ZNF823: variants seen among roughly 807,000 people sequenced by gnomAD.
ZNF823 encodes the protein ZFP 36 for a zinc finger protein.
In ZNF823, 5 loss-of-function variants were observed where a neutral mutation model predicts 11.4. The observed-to-expected ratio is 0.44, with a 90% CI of 0.23 to 0.92. The LOEUF is 0.92. Ranked by LOEUF, ZNF823 falls within the 40% of genes least tolerant of loss-of-function variation. The probability of loss-of-function intolerance (pLI) is 0.24; values close to 1 mark genes in which losing one functional copy is unlikely to be tolerated. For missense variants in ZNF823, 582 were observed against 738.5 expected, an observed-to-expected ratio of 0.79 and a Z score of 2.46; for synonymous variants, 234 against 250.5, an observed-to-expected ratio of 0.93 and a Z score of 0.62.
At chr19:11,733,484 T>A (rs1974940260) in intron 1 of ZNF823, among the ~76,000 whole-genome samples, 2 of 151,900 alleles carry the variant, frequency 1.3e-5, no homozygotes, top group African/African-American at 4.8e-5. Flanking sequence ...GAGAATCATC[T>A]GAGGTCAGGA....
chr19:11,733,463 G>A (rs1974939865), intron 1 of ZNF823, among the ~76,000 whole-genome samples: 1 of 152,066 alleles, frequency 6.6e-6, no homozygotes, highest in Non-Finnish European at 1.5e-5. Context: ...CACTTTGGGA[G>A]GCCGAGGTAG....
intron 1 of ZNF823, 77 bp from the exon 2 acceptor site, chr19:11,725,404 T>G: frequency 1.3e-6 from 2 of 1,577,280 alleles, no homozygotes; most frequent in Non-Finnish European, 1.7e-6. Context: ...GCATAAACTT[T>G]GCATGATGCT....
In ZNF823 at chr19:11,722,633, C is replaced by A. The variant is rs1482802788; in HGVS notation, c.901G>T (p.Glu301Ter). Residue 301 changes from glutamate (E) to a stop codon, truncating the protein, a stop_gained, in exon 4 of 4, where the codon GAA becomes TAA. Transcript: ENST00000341191. LOFTEE classifies it low-confidence loss of function (END_TRUNC). The surrounding 1 kb of genome is among the most constrained non-coding windows in gnomAD (Gnocchi z 5.2). ...CATTGCTTACATGCATAGGGTTGTT[C>A]TCCCGTGTGAGTCCTTTCATGTAGT... The part of the protein sequence containing the change: ...TRLHERTHTG[E>*]QPYACKQCGK... 6.2e-7 allele frequency: 1 copy of A among 1,613,902 alleles called. No individual in the cohort carries two copies. The highest frequency in any genetic ancestry group is 8.5e-7 in the Non-Finnish European group (1 of 1,179,976).
chr19:11,724,178 T>C lies in ZNF823; in HGVS notation c.191+16A>G, dbSNP rs1568466719. 1 of 1,602,498 alleles carries C rather than the reference T, an allele frequency of 6.2e-7. No homozygotes were observed. Among genetic ancestry groups the C allele is most frequent in the Non-Finnish European group, 8.5e-7 (1 of 1,174,564 alleles). ...CCACTGCAGGGACATAGCTTTCTTT[T>C]GTGGGTGCAAATTACCTTAGATTTC... On this transcript the variant is annotated intron_variant, in intron 3 of 3. Transcript: ENST00000341191.
chr19:11,737,432 T>C (rs571966230), intron 1 of ZNF823, among the ~76,000 whole-genome samples: 67 of 152,216 alleles, frequency 4.4e-4, no homozygotes, highest in African/African-American at 1.5e-3. Context: ...CCGGCTAATT[T>C]TGTATTTTTA....
intron 2 of ZNF823, among the ~76,000 whole-genome samples, chr19:11,724,590 G>A (rs1475905148): frequency 3.9e-5 from 5 of 128,258 alleles, no homozygotes; most frequent in African/African-American, 9.1e-5. Flanking sequence ...ACAGAGTCCC[G>A]CTCTGTCGCC....
At chr19:11,730,166 G>A (rs1466217105) in intron 1 of ZNF823, among the ~76,000 whole-genome samples, 1 of 152,128 alleles carries the variant, frequency 6.6e-6, no homozygotes, top group Admixed American at 6.6e-5. Context: ...GACCTCAGAT[G>A]ATCCGCCTGC....
intron 1 of ZNF823, among the ~76,000 whole-genome samples, chr19:11,736,079 G>C (rs1974987973): frequency 6.6e-6 from 1 of 150,644 alleles, no homozygotes; most frequent in Non-Finnish European, 1.5e-5. Context: ...CTAACATTTT[G>C]GTAAATCTTT....
At chr19:11,724,436 C>A (rs1309205761) in intron 2 of ZNF823, among the ~76,000 whole-genome samples, 182 bp from the exon 3 acceptor site, 1 of 152,160 alleles carries the variant, frequency 6.6e-6, no homozygotes, top group African/African-American at 2.4e-5. Context: ...CTCTGCTACC[C>A]CTGGGACAGC....
rs1974710471 is a variant in ZNF823 at position 11,722,653 on chromosome 19, T to C, written c.881A>G (p.His294Arg). 1 of 1,614,082 alleles carries C rather than the reference T, an allele frequency of 6.2e-7. No individual in the cohort carries two copies. The highest frequency in any genetic ancestry group is 8.5e-7 in the Non-Finnish European group (1 of 1,179,950). Residue 294 changes from histidine (H) to arginine (R), a missense_variant, in exon 4 of 4, where the codon CAT (histidine) becomes CGT (arginine). Transcript: ENST00000341191. The surrounding 1 kb of genome is among the most constrained non-coding windows in gnomAD (Gnocchi z 5.2). ...AFSCYYYTRLHERTHTGEQPY... is the reference protein window; with the variant it reads ...AFSCYYYTRLRERTHTGEQPY... Reference sequence around the variant, plus strand: ...TTGTTCTCCCGTGTGAGTCCTTTCATGTAGTCGAGTGTAATAGTAACAGCT... The same window carrying C: ...TTGTTCTCCCGTGTGAGTCCTTTCACGTAGTCGAGTGTAATAGTAACAGCT...
chr19:11,734,558 GA>G (rs1307305480), intron 1 of ZNF823, among the ~76,000 whole-genome samples: 1 of 152,166 alleles, frequency 6.6e-6, no homozygotes, highest in Non-Finnish European at 1.5e-5. Context: ...TTTATTTTGA[GA>G]TGGAGTCTTG....
intron 1 of ZNF823, chr19:11,730,849 A>T (rs1974879903): frequency 2.0e-5 from 3 of 152,210 alleles, no homozygotes; most frequent in Non-Finnish European, 4.4e-5. Flanking sequence ...ATAAAGTGTT[A>T]GCATTTGGGG....
intron 3 of ZNF823, among the ~76,000 whole-genome samples, chr19:11,723,695 G>T (rs112687079): frequency 6.6e-6 from 1 of 152,118 alleles, no homozygotes; most frequent in Non-Finnish European, 1.5e-5. Flanking sequence ...ACAGGCATGC[G>T]CCACCACGCC....
intron 1 of ZNF823, among the ~76,000 whole-genome samples, chr19:11,736,615 A>G (rs10418223): frequency 0.084 from 12,786 of 152,326 alleles, 1,164 homozygotes; most frequent in African/African-American, 0.23. Context: ...CTCTTTGAAC[A>G]TACTTTATCT....
chr19:11,735,512 T>C (rs114578892), intron 1 of ZNF823, among the ~76,000 whole-genome samples: 236 of 152,202 alleles, frequency 1.6e-3, no homozygotes, highest in African/African-American at 5.4e-3. Context: ...TCTCCAACTT[T>C]CCAGTGCTCT....
chr19:11,728,165 C>T lies in ZNF823; in HGVS notation c.4-2838G>A, dbSNP rs1022168164. On this transcript the variant is annotated intron_variant, in intron 1 of 3. Transcript: ENST00000341191. ...GTGCTGGGGTTACAGGCGTGAGCCA[C>T]AGCGCCCGGCCAAGACTCTCTTTTC... 3.9e-5 allele frequency among the ~76,000 whole-genome samples: 6 copies of T among 152,308 alleles called. 1 individual carries two copies. The highest frequency in any genetic ancestry group is 1.5e-5 in the Non-Finnish European group (1 of 68,024).
intron 1 of ZNF823, among the ~76,000 whole-genome samples, chr19:11,733,647 C>G (rs1042616243): frequency 6.6e-6 from 1 of 151,478 alleles, no homozygotes; most frequent in Admixed American, 6.6e-5. Context: ...TGCAGTGAGC[C>G]GAGATCATGC....
chr19:11,736,878 C>T (rs1975001158), intron 1 of ZNF823, among the ~76,000 whole-genome samples: 1 of 152,168 alleles, frequency 6.6e-6, no homozygotes, highest in Non-Finnish European at 1.5e-5. Context: ...GGCTCATCAG[C>T]CATGTGTCCC....
rs750840546 is a variant in ZNF823 at position 11,722,973 on chromosome 19, A to G, written c.561T>C (p.His187=). ...ACTTACATTTATAAGGTCCATCTCCATGGTGTGCCGCCATGTGTCTTCGGA... is the reference window on the plus strand; with the variant it reads ...ACTTACATTTATAAGGTCCATCTCCGTGGTGTGCCGCCATGTGTCTTCGGA... The part of the protein sequence containing the change: ...GNLRRHMAAH[H]GDGPYKCKLC... Residue 187 remains histidine (H), a synonymous_variant, in exon 4 of 4, where the codon CAT becomes CAC. Transcript: ENST00000341191. This position sits in a 1 kb window ranked among gnomAD's most constrained non-coding sequence, Gnocchi z 5.2. The G allele has an allele frequency of 1.1e-5, 18 of 1,614,228 alleles. No homozygotes were observed. The highest frequency in any genetic ancestry group is 1.5e-5 in the Non-Finnish European group (18 of 1,180,036).
Sources: allele counts gnomAD v4.1 joint callset (sites outside exome capture counted in the v4.1 genomes callset), GRCh38; gene constraint gnomAD v4.1.1; non-coding constraint Gnocchi (gnomAD v3.1); transcripts MANE v1.5; gene names NCBI Gene and HGNC (gene_info 2026-07-23, HGNC 2026-07-21).